SSBP3: variants seen among roughly 807,000 people sequenced by gnomAD.
SSBP3 encodes single stranded DNA binding protein 3.
Under a neutral mutation model 69.6 loss-of-function variants are expected in SSBP3, and 5 were observed. The ratio of observed to expected loss-of-function variants is 0.07; its 90% confidence interval spans 0.04 to 0.15. The LOEUF (loss-of-function observed/expected upper bound fraction) is 0.15. Ranked by LOEUF, SSBP3 falls within the 10% of genes least tolerant of loss-of-function variation. The pLI, the probability that SSBP3 is intolerant of heterozygous loss-of-function variation, is 1.00. For missense variants in SSBP3, 312 were observed against 534.0 expected, an observed-to-expected ratio of 0.58 and a Z score of 4.10; for synonymous variants, 196 against 193.4, an observed-to-expected ratio of 1.01 and a Z score of -0.11.
intron 4 of SSBP3, among the ~76,000 whole-genome samples, chr1:54,368,862 GTC>G (rs1647073379): frequency 6.6e-6 from 1 of 152,148 alleles, no homozygotes; most frequent in Non-Finnish European, 1.5e-5. Flanking sequence ...CAGGCAAGTC[GTC>G]TCTCTATTCT....
intron 9 of SSBP3, among the ~76,000 whole-genome samples, chr1:54,247,249 C>A (rs1477886063): frequency 6.6e-6 from 1 of 152,222 alleles, no homozygotes; most frequent in Non-Finnish European, 1.5e-5. Context: ...CCAGAGTCTG[C>A]ATTCTTAGCC....
At chr1:54,327,357 T>C (rs1646328773) in intron 4 of SSBP3, among the ~76,000 whole-genome samples, 1 of 152,032 alleles carries the variant, frequency 6.6e-6, no homozygotes, top group Non-Finnish European at 1.5e-5. Flanking sequence ...TTGTTTTCCA[T>C]CACGTTCCTT....
At chr1:54,313,920 C>CCAT (rs111454399) in intron 4 of SSBP3, among the ~76,000 whole-genome samples, 39,062 of 151,902 alleles carry the variant, frequency 0.26, 6,326 homozygotes, top group African/African-American at 0.45. Flanking sequence ...GTGCCCACCA[C>CCAT]ACCTGGCTAA....
At chr1:54,322,774 T>C (rs1472251680) in intron 4 of SSBP3, among the ~76,000 whole-genome samples, 1 of 151,856 alleles carries the variant, frequency 6.6e-6, no homozygotes, top group Non-Finnish European at 1.5e-5. Flanking sequence ...AGCAAAACCA[T>C]CCATCCACTT....
chr1:54,383,067 A>G (rs913931652), intron 4 of SSBP3, among the ~76,000 whole-genome samples: 1 of 116,958 alleles, frequency 8.6e-6, no homozygotes, highest in Non-Finnish European at 1.9e-5. Context: ...GGAAAGAAAG[A>G]AAAGAAAGAA....
intron 4 of SSBP3, among the ~76,000 whole-genome samples, chr1:54,332,442 A>G (rs1219770546): frequency 6.6e-6 from 1 of 152,196 alleles, no homozygotes; most frequent in Non-Finnish European, 1.5e-5. Context: ...GCCACCTTGA[A>G]TGCCTCAGCC....
chr1:54,290,572 T>C (rs575033588), intron 4 of SSBP3, among the ~76,000 whole-genome samples: 2 of 152,364 alleles, frequency 1.3e-5, no homozygotes, highest in Admixed American at 6.5e-5. Flanking sequence ...GAGGCCACCA[T>C]ACTGCCGGGC....
At chr1:54,336,761 T>C (rs10888847) in intron 4 of SSBP3, among the ~76,000 whole-genome samples, 44,638 of 152,084 alleles carry the variant, frequency 0.29, 9,722 homozygotes, top group African/African-American at 0.6. Context: ...AGCATCAGCA[T>C]GTGGCTCACA....
chr1:54,335,830 T>G (rs1014181298), intron 4 of SSBP3: 1 of 152,208 alleles, frequency 6.6e-6, no homozygotes, highest in African/African-American at 2.4e-5. Context: ...TCTCCCAGGC[T>G]GGACAAGGCA....
At chr1:54,311,930 G>A (rs542984948) in intron 4 of SSBP3, among the ~76,000 whole-genome samples, 2 of 152,126 alleles carry the variant, frequency 1.3e-5, no homozygotes, top group Non-Finnish European at 2.9e-5. Context: ...ACTCACAGCT[G>A]GGGAGACTCT....
rs540507338 is a variant in SSBP3, at chr1:54,381,282, C to T, written c.276+20579G>A. 2.0e-5 allele frequency among the ~76,000 whole-genome samples: 3 copies of T among 147,000 alleles called. No individual in the cohort carries two copies. The East Asian group carries it at 6.3e-4, about 31-fold the overall frequency. ...CCTGCAGTCCCAGCTACTCAGGAGG[C>T]TGAGGCAAGACAATCACTTAAACTC... is the stretch of plus-strand genomic sequence containing the variant. On this transcript the variant is annotated intron_variant, in intron 4 of 17. Transcript: ENST00000610401.
At chr1:54,273,416 G>A (rs1015387664) in intron 5 of SSBP3, among the ~76,000 whole-genome samples, 2 of 152,202 alleles carry the variant, frequency 1.3e-5, no homozygotes, top group African/African-American at 4.8e-5. Flanking sequence ...TGAGCCAGCC[G>A]CCGCCGAGGC....
chr1:54,361,937 T>G (rs1225070084), intron 4 of SSBP3, among the ~76,000 whole-genome samples: 1 of 152,174 alleles, frequency 6.6e-6, no homozygotes, highest in Non-Finnish European at 1.5e-5. Context: ...TGAAAGAGGG[T>G]GCAACCACAG....
intron 4 of SSBP3, among the ~76,000 whole-genome samples, chr1:54,373,542 T>C (rs1367534864): frequency 6.6e-6 from 1 of 151,892 alleles, no homozygotes; most frequent in Non-Finnish European, 1.5e-5. Flanking sequence ...GGCGGGTGGA[T>C]TGCTTGAGAC....
chr1:54,355,271 G>C (rs1646845062), intron 4 of SSBP3, among the ~76,000 whole-genome samples: 1 of 152,210 alleles, frequency 6.6e-6, no homozygotes, highest in Non-Finnish European at 1.5e-5. Flanking sequence ...CCGAATTTCT[G>C]GACAATATCT....
intron 4 of SSBP3, among the ~76,000 whole-genome samples, chr1:54,289,878 CGAGGA>C (rs1346399008): frequency 6.6e-6 from 1 of 152,080 alleles, no homozygotes; most frequent in Non-Finnish European, 1.5e-5. Context: ...CCCCCACAGG[CGAGGA>C]GCCAGCCACC....
chr1:54,256,257 C>T (rs655274), intron 7 of SSBP3, among the ~76,000 whole-genome samples: 86,281 of 151,996 alleles, frequency 0.57, 24,829 homozygotes, highest in South Asian at 0.72. Context: ...GATGTGCTGG[C>T]GCTTCTGTCA....
At chr1:54,402,161 C>G (rs1649351659) in intron 3 of SSBP3, among the ~76,000 whole-genome samples, 1 of 152,202 alleles carries the variant, frequency 6.6e-6, no homozygotes, top group Non-Finnish European at 1.5e-5. Context: ...TCTTATATAT[C>G]AAATACCTAC....
intron 4 of SSBP3, among the ~76,000 whole-genome samples, chr1:54,315,800 T>G (rs1646086385): frequency 6.6e-6 from 1 of 152,070 alleles, no homozygotes; most frequent in South Asian, 2.1e-4. Flanking sequence ...TAGCTGAGAC[T>G]ACAGGCTCAC....
Sources: allele counts gnomAD v4.1 joint callset (sites outside exome capture counted in the v4.1 genomes callset), GRCh38; gene constraint gnomAD v4.1.1; transcripts MANE v1.5; gene names NCBI Gene and HGNC (gene_info 2026-07-23, HGNC 2026-07-21).